Variants in ATP9A observed in about 807,000 individuals in gnomAD.
ATP9A encodes probable phospholipid-transporting ATPase IIA.
In ATP9A, 52 loss-of-function variants were observed where a neutral mutation model predicts 144.1. That is an observed-to-expected ratio of 0.36 (90% CI 0.29 to 0.45). ATP9A has a LOEUF of 0.45. Ranked by LOEUF, ATP9A falls within the 20% of genes least tolerant of loss-of-function variation. ATP9A has a pLI of 1.00. For missense variants in ATP9A, 947 were observed against 1,392.7 expected (o/e 0.68, Z 5.09); for synonymous variants, 582 against 557.4 (o/e 1.04, Z -0.62).
chr20:51,632,066 TTTTC>T (rs1601069010), intron 15 of ATP9A, among the ~76,000 whole-genome samples: 1 of 152,150 alleles, frequency 6.6e-6, no homozygotes, highest in East Asian at 1.9e-4. Context: ...TCTTATTCTT[TTTTC>T]TTTTTCTTTA....
chr20:51,737,587 C>T (rs2122884262), intron 1 of ATP9A, among the ~76,000 whole-genome samples: 1 of 152,288 alleles, frequency 6.6e-6, no homozygotes, highest in East Asian at 1.9e-4. Flanking sequence ...AGATACTACT[C>T]ACAGTATTAT....
chr20:51,765,034 A>C lies in ATP9A; in HGVS notation c.68+3268T>G, dbSNP rs548197195. 9.2e-5 allele frequency among the ~76,000 whole-genome samples: 14 copies of C among 152,204 alleles called. No individual in the cohort carries two copies. In the South Asian group the frequency reaches 1.0e-3, roughly 11 times the overall value. On this transcript the variant is annotated intron_variant, in intron 1 of 27. Transcript: ENST00000338821. Reference sequence around the variant, plus strand: ...CCACATCTGGCCCCTAAAATGGGAGAATTAACTCCAAAAACTCACATGGTT... The same window carrying C: ...CCACATCTGGCCCCTAAAATGGGAGCATTAACTCCAAAAACTCACATGGTT...
rs555568070 is a variant in ATP9A at position 51,607,768 on chromosome 20, G to T, written c.2746-184C>A. On this transcript the variant is annotated intron_variant, in intron 25 of 27. Transcript: ENST00000338821. ...TTTCTTTAAAAAAAGAATTGGCCAG[G>T]CATGGTGGCTCACACCTGTAATCCC... Among the ~76,000 whole-genome samples, 15 of 152,252 alleles carry T rather than the reference G, an allele frequency of 9.9e-5. No individual in the cohort carries two copies. The East Asian group carries it at 2.5e-3, about 26-fold the overall frequency.
chr20:51,723,961 A>T (rs2077701226), intron 3 of ATP9A, among the ~76,000 whole-genome samples: 1 of 152,074 alleles, frequency 6.6e-6, no homozygotes, highest in Non-Finnish European at 1.5e-5. Context: ...GCCTGAGGTC[A>T]GTCGTTTGAG....
intron 4 of ATP9A, 151 bp downstream of exon 4, chr20:51,712,815 T>C (rs2077645313): frequency 2.9e-6 from 2 of 688,020 alleles, no homozygotes; most frequent in Non-Finnish European, 5.1e-6. Context: ...CCAGGGCAGA[T>C]GGAGGCCTCC....
chr20:51,737,688 T>C (rs1164515601), intron 1 of ATP9A, among the ~76,000 whole-genome samples: 1 of 152,228 alleles, frequency 6.6e-6, no homozygotes, highest in African/African-American at 2.4e-5. Flanking sequence ...TTTTAATTTC[T>C]TATGAACATG....
chr20:51,664,038 G>C (rs2077422648), intron 13 of ATP9A, among the ~76,000 whole-genome samples: 1 of 152,034 alleles, frequency 6.6e-6, no homozygotes, highest in African/African-American at 2.4e-5. Context: ...TATGGTTTGA[G>C]ACTGTCTTGC....
rs781159334 is a variant in ATP9A, at chr20:51,622,134, C to T, written c.2055G>A (p.Thr685=). The change falls in exon 19 of 28, where the codon ACG becomes ACA. Residue 685 remains threonine (T), a synonymous_variant. Transcript: ENST00000338821. ...CCAGATGTGCATTCTTCGCTGTGCA[C>T]GTAGCTGTCTCCAGCTTGTCCCCTG... ...MLTGDKLETA[T]CTAKNAHLVT... is the part of the protein sequence containing the mutation. 2.1e-5 allele frequency: 34 copies of T among 1,614,016 alleles called. No homozygotes were observed. Among genetic ancestry groups the T allele is most frequent in the Non-Finnish European group, 2.5e-5 (30 of 1,180,028 alleles).
intron 3 of ATP9A, among the ~76,000 whole-genome samples, chr20:51,720,245 C>G (rs1221885062): frequency 2.0e-5 from 3 of 151,952 alleles, no homozygotes; most frequent in African/African-American, 7.3e-5. Flanking sequence ...AAAAAGATAA[C>G]CAATAAAAGG....
At chr20:51,619,560 CT>C (rs66801111) in intron 19 of ATP9A, among the ~76,000 whole-genome samples, 16,736 of 76,788 alleles carry the variant, frequency 0.22, 1,246 homozygotes, top group Middle Eastern at 0.3. Flanking sequence ...CAAGACTCGT[CT>C]TTTAAAAAAA....
At chr20:51,601,734 T>C (rs2077143957) in intron 27 of ATP9A, among the ~76,000 whole-genome samples, 1 of 152,058 alleles carries the variant, frequency 6.6e-6, no homozygotes, top group Non-Finnish European at 1.5e-5. Flanking sequence ...AGCAAAACCC[T>C]GTCTCTACAA....
intron 1 of ATP9A, among the ~76,000 whole-genome samples, chr20:51,747,530 C>T (rs1275885078): frequency 6.6e-6 from 1 of 152,142 alleles, no homozygotes; most frequent in Non-Finnish European, 1.5e-5. Flanking sequence ...AGGCAAGAAA[C>T]ATGTAATTTA....
At position 51,675,358 on chromosome 20, in the gene ATP9A, T is replaced by C. The variant is rs1400833711; in HGVS notation, c.876+774A>G. Among the ~76,000 whole-genome samples, 13 of 152,276 alleles carry C rather than the reference T, an allele frequency of 8.5e-5. No homozygotes were observed. In the East Asian group the frequency reaches 2.5e-3, roughly 29 times the overall value. ...CAATTATTCTGTAATGTTCTGACTCTTAAAAATTGGAGGAGGGGTAAGCTG... is the reference window on the plus strand; with the variant it reads ...CAATTATTCTGTAATGTTCTGACTCCTAAAAATTGGAGGAGGGGTAAGCTG... On this transcript the variant is annotated intron_variant, in intron 10 of 27. Transcript: ENST00000338821.
At position 51,617,483 on chromosome 20, in the gene ATP9A, C is replaced by T; in HGVS notation, c.2415+7G>A. 1 of 1,608,394 alleles carries T rather than the reference C, an allele frequency of 6.2e-7. No homozygotes were observed. Among genetic ancestry groups the T allele is most frequent in the South Asian group, 1.1e-5 (1 of 89,564 alleles). On this transcript the variant is annotated splice_region_variant and intron_variant, in intron 22 of 27. Coordinates refer to ENST00000338821, the MANE Select transcript of ATP9A (RefSeq NM_006045.3). ...AAGTGGAGCCGAGCAGAGGGAAACA[C>T]TCTCACCTTTCCTTCCACTCCCACG... is the stretch of plus-strand genomic sequence containing the variant.
In ATP9A at chr20:51,693,991, C is replaced by T; in HGVS notation, c.642+17G>A. On this transcript the variant is annotated intron_variant, in intron 7 of 27. Coordinates refer to ENST00000338821, the MANE Select transcript of ATP9A (RefSeq NM_006045.3). ...GATAGGTTGCCCGCATGGGCTTCTGCAGGGAAAGCTACTCACGGCGGCCGT... is the reference window on the plus strand; with the variant it reads ...GATAGGTTGCCCGCATGGGCTTCTGTAGGGAAAGCTACTCACGGCGGCCGT... 1 of 1,608,830 alleles carries T rather than the reference C, an allele frequency of 6.2e-7. No homozygotes were observed. Among genetic ancestry groups the T allele is most frequent in the Non-Finnish European group, 8.5e-7 (1 of 1,176,888 alleles).
chr20:51,767,682 T>C (rs2077911297), intron 1 of ATP9A, among the ~76,000 whole-genome samples: 1 of 152,052 alleles, frequency 6.6e-6, no homozygotes, highest in Non-Finnish European at 1.5e-5. Flanking sequence ...CAAGGGGTAG[T>C]GTCACCAAGC....
rs1601106103 is a variant in ATP9A, at chr20:51,689,232, C to T, written c.724-93G>A. ...GCATGGTCCGCTGGAGATAGAAAGA[C>T]AGGCTCCCCCCGATGAACCTGGAAG... On this transcript the variant is annotated intron_variant, in intron 8 of 27. Transcript: ENST00000338821. 6 of 1,285,908 alleles carry T rather than the reference C, an allele frequency of 4.7e-6. No individual in the cohort carries two copies. The Admixed American group carries it at 1.2e-4, about 25-fold the overall frequency. The allele number at this position is 1,285,908 out of a possible 1,614,324, so 79.7% of individuals were successfully genotyped here.
intron 1 of ATP9A, among the ~76,000 whole-genome samples, chr20:51,744,713 T>C (rs974771854): frequency 6.6e-6 from 1 of 152,202 alleles, no homozygotes; most frequent in African/African-American, 2.4e-5. Context: ...CTATAATCAG[T>C]TAGCACTGCG....
chr20:51,656,424 G>A (rs1025191062), intron 14 of ATP9A, among the ~76,000 whole-genome samples: 7 of 152,020 alleles, frequency 4.6e-5, no homozygotes, highest in Non-Finnish European at 8.8e-5. Flanking sequence ...ATGGTGGTGG[G>A]TGCCTGTAAT....
Sources: gnomAD v4.1 joint callset for allele counts (sites outside exome capture counted in the v4.1 genomes callset) on GRCh38, gnomAD v4.1.1 for gene constraint, MANE v1.5 for transcripts, NCBI Gene and HGNC (gene_info 2026-07-23, HGNC 2026-07-21) for gene names.